Variants in CCDC171 observed in about 807,000 individuals in gnomAD.
CCDC171 encodes the protein coiled-coil domain containing 171, also known as coiled-coil domain-containing protein 171.
In CCDC171, 177 loss-of-function variants were observed where a neutral mutation model predicts 168.2. The ratio of observed to expected loss-of-function variants is 1.05; its 90% CI spans 0.93 to 1.19. CCDC171 has a LOEUF of 1.19. Among genes scored for constraint, CCDC171 ranks in the 50% most tolerant of loss-of-function variants. The pLI, the probability that CCDC171 is intolerant of heterozygous loss-of-function variation, is 0.00. For synonymous variants in CCDC171, 687 were observed against 540.8 expected (o/e 1.27, Z -3.75); for missense variants, 1,991 against 1,539.0 (o/e 1.29, Z -4.91).
chr9:15,961,392 G>A (rs1032662295), intron 25 of CCDC171, among the ~76,000 whole-genome samples: 5 of 152,158 alleles, frequency 3.3e-5, no homozygotes, highest in East Asian at 1.9e-4. Flanking sequence ...CACAGAAGTC[G>A]TAATTTGGCA....
chr9:15,989,603 A>G (rs1832118390), intron 3 of CCDC171, among the ~76,000 whole-genome samples: 1 of 152,162 alleles, frequency 6.6e-6, no homozygotes, highest in South Asian at 2.1e-4. Flanking sequence ...TTGAGAGAAG[A>G]AGGTTTCAGA....
chr9:15,757,432 GA>G (rs1334364576), intron 18 of CCDC171, among the ~76,000 whole-genome samples: 6 of 152,164 alleles, frequency 3.9e-5, no homozygotes, highest in Non-Finnish European at 8.8e-5. Flanking sequence ...TCTGGTGGAA[GA>G]AATTTCTAAG....
At chr9:15,573,645 A>G (rs2040413320) in intron 3 of CCDC171, among the ~76,000 whole-genome samples, 1 of 151,604 alleles carries the variant, frequency 6.6e-6, no homozygotes, top group Non-Finnish European at 1.5e-5. Flanking sequence ...TAATAATCAT[A>G]TAAAGTGGTA....
chr9:15,672,849 G>A (rs1225493075), intron 9 of CCDC171, among the ~76,000 whole-genome samples: 1 of 152,104 alleles, frequency 6.6e-6, no homozygotes, highest in Non-Finnish European at 1.5e-5. Flanking sequence ...CTCTTTTTTG[G>A]TTCCATATGA....
chr9:15,617,647 A>T (rs2044186891), intron 6 of CCDC171, among the ~76,000 whole-genome samples: 3 of 152,100 alleles, frequency 2.0e-5, no homozygotes, highest in African/African-American at 7.2e-5. Flanking sequence ...AAGTGCTGGG[A>T]TTACAGGCGT....
chr9:15,903,875 G>A (rs576069909), intron 24 of CCDC171, among the ~76,000 whole-genome samples: 32 of 152,296 alleles, frequency 2.1e-4, no homozygotes, highest in South Asian at 4.1e-4. Context: ...GGTACGTGAC[G>A]AATGCATAAG....
chr9:15,687,174 G>C (rs2050454046), intron 10 of CCDC171, among the ~76,000 whole-genome samples: 1 of 152,114 alleles, frequency 6.6e-6, no homozygotes, highest in South Asian at 2.1e-4. Context: ...AAGTCTAAAA[G>C]AAATCACAAA....
chr9:15,627,567 C>T (rs899633077), intron 7 of CCDC171, among the ~76,000 whole-genome samples: 4 of 152,100 alleles, frequency 2.6e-5, no homozygotes, highest in African/African-American at 4.8e-5. Flanking sequence ...GTCTTCATTT[C>T]GTTATGTACC....
At chr9:15,842,953 T>C (rs528810342) in intron 21 of CCDC171, among the ~76,000 whole-genome samples, 2 of 152,010 alleles carry the variant, frequency 1.3e-5, no homozygotes, top group Non-Finnish European at 2.9e-5. Flanking sequence ...AATGTGTGGG[T>C]CATTTAATAT....
At chr9:15,733,974 T>G (rs1390967959) in intron 16 of CCDC171, among the ~76,000 whole-genome samples, 1 of 152,062 alleles carries the variant, frequency 6.6e-6, no homozygotes, top group Non-Finnish European at 1.5e-5. Context: ...GAGGTCTCAC[T>G]ATGTTGCCCA....
At chr9:15,740,608 T>C (rs1380142039) in intron 16 of CCDC171, among the ~76,000 whole-genome samples, 4 of 152,120 alleles carry the variant, frequency 2.6e-5, no homozygotes, top group African/African-American at 9.7e-5. Context: ...CTAATTGTTT[T>C]TTTGTATTTT....
exon 5 of CCDC171, chr9:16,022,507 T>C (rs1258373573): frequency 6.6e-6 from 1 of 152,314 alleles, no homozygotes; most frequent in African/African-American, 2.4e-5. Flanking sequence ...CCATGCCTGT[T>C]CTTCAGCTTC....
At chr9:16,052,730 T>G (rs1440638353) in intron 1 of CCDC171, among the ~76,000 whole-genome samples, 1 of 152,070 alleles carries the variant, frequency 6.6e-6, no homozygotes, top group East Asian at 1.9e-4. Context: ...TGTCCTGTAT[T>G]TATCACTTTC....
At chr9:15,611,987 G>A (rs900676061) in intron 6 of CCDC171, among the ~76,000 whole-genome samples, 3 of 152,152 alleles carry the variant, frequency 2.0e-5, no homozygotes, top group Non-Finnish European at 4.4e-5. Flanking sequence ...CTTTATAAGG[G>A]ACTGAAGAAC....
At chr9:16,093,435 T>C in the CCDC171 span, among the ~76,000 whole-genome samples, 1 of 152,210 alleles carries the variant, frequency 6.6e-6, no homozygotes, top group Non-Finnish European at 1.5e-5. Context: ...ATCTGATTCA[T>C]TTAATACACT....
chr9:15,886,275 A>G (rs2131404199), intron 24 of CCDC171: 1 of 152,346 alleles, frequency 6.6e-6, no homozygotes. Flanking sequence ...AGGAACTCAT[A>G]CAACACAATA....
At chr9:16,046,752 G>A (rs1350142763) in intron 1 of CCDC171, among the ~76,000 whole-genome samples, 2 of 152,162 alleles carry the variant, frequency 1.3e-5, no homozygotes, top group Non-Finnish European at 2.9e-5. Flanking sequence ...CATGTAAGAT[G>A]TGCCTTTCAC....
At chr9:15,791,807 A>G (rs1384532463) in intron 21 of CCDC171, among the ~76,000 whole-genome samples, 1 of 152,180 alleles carries the variant, frequency 6.6e-6, no homozygotes, top group Non-Finnish European at 1.5e-5. Flanking sequence ...GGACATCCAC[A>G]CCAAAACCTC....
the CCDC171 span, among the ~76,000 whole-genome samples, chr9:16,075,875 CAGCAT>C: frequency 1.3e-4 from 20 of 152,072 alleles, no homozygotes; most frequent in Middle Eastern, 3.2e-3. Context: ...CAGCACAGCA[CAGCAT>C]AGCATAGCAT....
Sources: gnomAD v4.1 joint callset for allele counts (sites outside exome capture counted in the v4.1 genomes callset) on GRCh38, gnomAD v4.1.1 for gene constraint, MANE v1.5 for transcripts, NCBI Gene and HGNC (gene_info 2026-07-23, HGNC 2026-07-21) for gene names.